The following RAB3C variants were observed in gnomAD, a reference collection of about 807,000 sequenced individuals.
RAB3C encodes the protein ras-related protein Rab-3C.
A neutral mutation model predicts 26.4 loss-of-function variants in RAB3C; 17 were observed. The ratio of observed to expected loss-of-function variants is 0.64; its 90% CI spans 0.44 to 0.97. The LOEUF is 0.97. RAB3C is among the 50% of genes least tolerant of loss of function. The pLI is 0.00. For synonymous variants in RAB3C, 91 were observed against 95.9 expected, an observed-to-expected ratio of 0.95 and a Z score of 0.30; for missense variants, 242 against 281.9, an observed-to-expected ratio of 0.86 and a Z score of 1.01.
chr5:58,597,464 T>G, intron 1 of RAB3C, among the ~76,000 whole-genome samples: 1 of 119,514 alleles, frequency 8.4e-6, no homozygotes. Context: ...ACATAGTACA[T>G]TATATATAAG....
At chr5:58,737,388 C>G (rs1741163608) in intron 3 of RAB3C, among the ~76,000 whole-genome samples, 2 of 111,158 alleles carry the variant, frequency 1.8e-5, no homozygotes, top group Admixed American at 1.1e-4. Context: ...ATTTATCACC[C>G]TATGAAATAT....
At chr5:58,667,511 T>G (rs1044415379) in intron 2 of RAB3C, among the ~76,000 whole-genome samples, 7 of 152,280 alleles carry the variant, frequency 4.6e-5, no homozygotes, top group African/African-American at 1.7e-4. Flanking sequence ...CCGGGCTGCC[T>G]ACCCCAGACT....
At chr5:58,637,776 G>GA in intron 2 of RAB3C, among the ~76,000 whole-genome samples, 1 of 152,074 alleles carries the variant, frequency 6.6e-6, no homozygotes, top group Non-Finnish European at 1.5e-5. Context: ...GACATCACTG[G>GA]AAATCTTACT....
chr5:58,731,236 T>C (rs370668193), intron 3 of RAB3C, among the ~76,000 whole-genome samples: 6 of 152,124 alleles, frequency 3.9e-5, no homozygotes, highest in African/African-American at 1.4e-4. Context: ...GAAAACACAT[T>C]AGACTGTGCT....
chr5:58,597,062 A>C (rs917516766), intron 1 of RAB3C, among the ~76,000 whole-genome samples: 1 of 388 alleles, frequency 2.6e-3, no homozygotes, highest in South Asian at 0.083. Context: ...TATAATACAT[A>C]ATATATATTA....
intron 2 of RAB3C, among the ~76,000 whole-genome samples, chr5:58,722,844 C>T (rs1740802836): frequency 6.6e-6 from 1 of 151,768 alleles, no homozygotes; most frequent in South Asian, 2.1e-4. Context: ...TCCCTAGCAT[C>T]TACATTTTTA....
intron 4 of RAB3C, among the ~76,000 whole-genome samples, chr5:58,827,977 A>G (rs999499190): frequency 6.6e-6 from 1 of 152,246 alleles, no homozygotes; most frequent in East Asian, 1.9e-4. Context: ...ACATCTTGGC[A>G]GATGGCTCGA....
intron 3 of RAB3C, among the ~76,000 whole-genome samples, chr5:58,783,991 G>A (rs1250089329): frequency 6.6e-6 from 1 of 152,128 alleles, no homozygotes; most frequent in African/African-American, 2.4e-5. Context: ...CTGTGGGTGA[G>A]CATATGGGAA....
At chr5:58,716,802 A>T (rs1028747218) in intron 2 of RAB3C, among the ~76,000 whole-genome samples, 36 of 88,034 alleles carry the variant, frequency 4.1e-4, no homozygotes, top group African/African-American at 1.1e-3. Flanking sequence ...TTCTCTTATT[A>T]AAAAAAAAAA....
chr5:58,838,089 C>T (rs1241024102), intron 4 of RAB3C, among the ~76,000 whole-genome samples: 1 of 152,022 alleles, frequency 6.6e-6, no homozygotes, highest in Admixed American at 6.6e-5. Context: ...GTTATAAAAA[C>T]AACTTTTTGG....
chr5:58,637,212 T>G (rs1747309849), intron 2 of RAB3C, among the ~76,000 whole-genome samples: 1 of 152,154 alleles, frequency 6.6e-6, no homozygotes, highest in African/African-American at 2.4e-5. Context: ...AATAATCTTT[T>G]AGTAAGCCTT....
chr5:58,710,792 A>G (rs866821139), intron 2 of RAB3C, among the ~76,000 whole-genome samples: 1 of 151,956 alleles, frequency 6.6e-6, no homozygotes, highest in African/African-American at 2.4e-5. Context: ...CGCTCTCTCT[A>G]TGGCGTACAT....
chr5:58,781,831 A>G (rs1312909691), intron 3 of RAB3C, among the ~76,000 whole-genome samples: 1 of 151,814 alleles, frequency 6.6e-6, no homozygotes, highest in African/African-American at 2.4e-5. Flanking sequence ...TACTCTTCCA[A>G]CTTCCTCCTC....
intron 1 of RAB3C, among the ~76,000 whole-genome samples, chr5:58,617,224 G>A (rs781633792): frequency 3.3e-4 from 50 of 152,056 alleles, no homozygotes; most frequent in Non-Finnish European, 5.9e-4. Flanking sequence ...AGAGAGATTC[G>A]AATCATTCAG....
At chr5:58,810,627 C>T (rs1743054688) in intron 3 of RAB3C, among the ~76,000 whole-genome samples, 1 of 152,116 alleles carries the variant, frequency 6.6e-6, no homozygotes, top group Non-Finnish European at 1.5e-5. Context: ...TAGCTTGCCT[C>T]ACTGTGTCAC....
chr5:58,632,419 G>C (rs1747202252), intron 2 of RAB3C, among the ~76,000 whole-genome samples: 1 of 152,128 alleles, frequency 6.6e-6, no homozygotes, highest in Non-Finnish European at 1.5e-5. Flanking sequence ...AACAGAAGCA[G>C]GGAATATGGA....
intron 1 of RAB3C, among the ~76,000 whole-genome samples, chr5:58,614,582 A>G (rs1279408278): frequency 6.6e-6 from 1 of 152,014 alleles, no homozygotes; most frequent in East Asian, 1.9e-4. Flanking sequence ...CTGGGTGCAC[A>G]TGTCCACCAG....
At chr5:58,850,100 TG>T (rs1367724103) in intron 4 of RAB3C, among the ~76,000 whole-genome samples, 2 of 152,080 alleles carry the variant, frequency 1.3e-5, no homozygotes, top group African/African-American at 4.8e-5. Flanking sequence ...GCTGGCCTAG[TG>T]GGGAGGTTGT....
chr5:58,712,476 A>G (rs998705276), intron 2 of RAB3C, among the ~76,000 whole-genome samples: 69 of 152,176 alleles, frequency 4.5e-4, no homozygotes, highest in Non-Finnish European at 2.1e-4. Context: ...GTTAATAACT[A>G]GTTTTATTCT....
Sources: allele counts gnomAD v4.1 joint callset (sites outside exome capture counted in the v4.1 genomes callset), GRCh38; gene constraint gnomAD v4.1.1; transcripts MANE v1.5; gene names NCBI Gene and HGNC (gene_info 2026-07-23, HGNC 2026-07-21).